The following PPFIA1 variants were observed in gnomAD, a reference collection of about 807,000 sequenced individuals.
PPFIA1 encodes PPFI scaffold protein A1.
In PPFIA1, 25 loss-of-function variants were observed where a neutral mutation model predicts 149.9. That is an observed-to-expected ratio of 0.17 (90% CI 0.12 to 0.23). PPFIA1 has a LOEUF of 0.23. Among genes scored for constraint, PPFIA1 ranks in the 10% least tolerant of loss-of-function variants. The pLI is 1.00. For synonymous variants in PPFIA1, 549 were observed against 552.8 expected (o/e 0.99, Z 0.10); for missense variants, 1,362 against 1,506.5 (o/e 0.90, Z 1.59).
At chr11:70,301,014 C>T in intron 2 of PPFIA1, among the ~76,000 whole-genome samples, 1 of 152,184 alleles carries the variant, frequency 6.6e-6, no homozygotes, top group East Asian at 1.9e-4. Context: ...TTTTTACTAA[C>T]TGCTGCAATG....
At chr11:70,271,980 C>G (rs2050122882) in intron 1 of PPFIA1, 193 bp from the exon 2 acceptor site, 4 of 676,986 alleles carry the variant, frequency 5.9e-6, no homozygotes, top group Non-Finnish European at 1.0e-5. Flanking sequence ...GTGTTAATGT[C>G]TTCATGTTGT....
intron 2 of PPFIA1, chr11:70,278,996 G>A (rs904696890): frequency 5.3e-6 from 3 of 565,760 alleles, no homozygotes; most frequent in South Asian, 5.1e-5. Context: ...TTGTAGACTT[G>A]AAGAGAGAGC....
chr11:70,315,969 C>T (rs2053600005), intron 2 of PPFIA1, among the ~76,000 whole-genome samples: 1 of 152,124 alleles, frequency 6.6e-6, no homozygotes, highest in South Asian at 2.1e-4. Context: ...AAGTGGAATT[C>T]TACAGTGTTT....
intron 2 of PPFIA1, chr11:70,321,118 G>C (rs1305926461): frequency 6.6e-6 from 1 of 152,208 alleles, no homozygotes; most frequent in Non-Finnish European, 1.5e-5. Context: ...TAGGTCATGA[G>C]GGTGGACTCC....
intron 26 of PPFIA1, among the ~76,000 whole-genome samples, chr11:70,379,622 A>T (rs6592553): frequency 1.1e-3 from 168 of 151,728 alleles, no homozygotes; most frequent in East Asian, 1.5e-3. Context: ...AAAAAAAAAA[A>T]AATAATAATT....
chr11:70,362,058 G>A (rs1225425147), intron 19 of PPFIA1, 37 bp from the exon 20 acceptor site: 2 of 1,592,492 alleles, frequency 1.3e-6, no homozygotes, highest in South Asian at 2.2e-5. Context: ...ACCATGCCTG[G>A]CTGATTCTTT....
chr11:70,362,084 C>T lies in PPFIA1; in HGVS notation c.2583-11C>T. The T allele has an allele frequency of 6.2e-7, 1 of 1,612,916 alleles. No homozygotes were observed. The highest frequency in any genetic ancestry group is 8.5e-7 in the Non-Finnish European group (1 of 1,179,026). ...CTGATTCTTTAATTTTCAATATCTT[C>T]TCCTTTATAGGCATGAATTGCTGGA... is the stretch of plus-strand genomic sequence containing the variant. On this transcript the variant is annotated splice_polypyrimidine_tract_variant and intron_variant, in intron 19 of 27. Coordinates refer to ENST00000253925, the MANE Select transcript of PPFIA1 (RefSeq NM_003626.5).
chr11:70,365,984 A>G (rs1422631777), intron 21 of PPFIA1: 4 of 456,436 alleles, frequency 8.8e-6, no homozygotes, highest in South Asian at 4.6e-5. Flanking sequence ...GTCTTTCTCT[A>G]ATATATTCTT....
At position 70,378,164 on chromosome 11, in the gene PPFIA1, C is replaced by T. The variant is rs750888185; in HGVS notation, c.3519C>T (p.Pro1173=). The change falls in exon 26 of 28, where the codon CCC becomes CCT. Residue 1173 remains proline, a synonymous_variant. Transcript: ENST00000253925. ...NFRVTSSMSS[P]SMQPKKMQMD... is the part of the protein sequence containing the mutation. ...GGGTGACTTCTTCTATGTCTTCCCC[C>T]TCTATGCAGCCAAAGAAGATGCAGA... The T allele has an allele frequency of 1.9e-6, 3 of 1,614,150 alleles. No individual in the cohort carries two copies. The highest frequency in any genetic ancestry group is 1.7e-6 in the Non-Finnish European group (2 of 1,180,024).
intron 10 of PPFIA1, 59 bp from the exon 11 acceptor site, chr11:70,335,504 T>G: frequency 1.3e-6 from 2 of 1,589,798 alleles, no homozygotes; most frequent in South Asian, 2.2e-5. Context: ...CCTTGTGCTT[T>G]TAAAATAATG....
chr11:70,374,811 C>G, intron 23 of PPFIA1, 107 bp from the exon 24 acceptor site: 2 of 1,044,578 alleles, frequency 1.9e-6, no homozygotes, highest in Non-Finnish European at 2.8e-6. Context: ...TCTCAGGAGC[C>G]GAAGGATTAG....
chr11:70,373,054 A>AAGG (rs1015138012), intron 23 of PPFIA1, among the ~76,000 whole-genome samples: 5 of 152,268 alleles, frequency 3.3e-5, no homozygotes, highest in African/African-American at 1.2e-4. Context: ...GTCCTTGAAG[A>AAGG]AGGAGGAGGA....
intron 2 of PPFIA1, among the ~76,000 whole-genome samples, chr11:70,289,005 T>C (rs1327448159): frequency 6.7e-6 from 1 of 150,284 alleles, no homozygotes; most frequent in Non-Finnish European, 1.5e-5. Context: ...TCTTGCTCTG[T>C]CGCCCAGGCT....
chr11:70,372,160 T>C lies in PPFIA1; in HGVS notation c.2866-55T>C, dbSNP rs560710258. On this transcript the variant is annotated intron_variant, in intron 21 of 27. Coordinates refer to ENST00000253925, the MANE Select transcript of PPFIA1 (RefSeq NM_003626.5). The stretch of plus-strand genomic sequence containing the variant: ...TTAAAAATTCATTTTAAAAATGATA[T>C]AAACTACTTTTGAGACTTCCTCTGT... The C allele has an allele frequency of 2.0e-6, 3 of 1,489,524 alleles. No individual in the cohort carries two copies. In the Admixed American group the frequency reaches 6.7e-5, roughly 33 times the overall value. The allele number at this position is 1,489,524 out of a possible 1,614,324, so 92.3% of individuals were successfully genotyped here.
intron 26 of PPFIA1, 84 bp from the exon 27 acceptor site, chr11:70,382,004 T>C (rs1187227659): frequency 1.7e-6 from 2 of 1,185,738 alleles, no homozygotes; most frequent in African/African-American, 1.5e-5. Flanking sequence ...TGTGAAGATG[T>C]GTGTCTACTT....
chr11:70,291,700 C>T (rs1260531130), intron 2 of PPFIA1, among the ~76,000 whole-genome samples: 2 of 152,142 alleles, frequency 1.3e-5, no homozygotes, highest in Non-Finnish European at 2.9e-5. Context: ...GACAGGGTCT[C>T]ACTCTGTCAT....
chr11:70,357,870 A>G (rs559332262), intron 19 of PPFIA1, among the ~76,000 whole-genome samples: 374 of 152,318 alleles, frequency 2.5e-3, no homozygotes, highest in South Asian at 6.4e-3. Context: ...TACAGGCGTG[A>G]GCCACCGCGC....
At chr11:70,297,618 C>CT (rs1215358334) in intron 2 of PPFIA1, among the ~76,000 whole-genome samples, 1 of 152,116 alleles carries the variant, frequency 6.6e-6, no homozygotes, top group African/African-American at 2.4e-5. Flanking sequence ...AGTCAAAGGG[C>CT]TTGTTACACA....
chr11:70,343,129 G>A (rs2055458239), intron 14 of PPFIA1, among the ~76,000 whole-genome samples: 1 of 151,900 alleles, frequency 6.6e-6, no homozygotes, highest in Non-Finnish European at 1.5e-5. Flanking sequence ...TGTATTTTTA[G>A]TAGAGATGGG....
Sources: allele counts gnomAD v4.1 joint callset (sites outside exome capture counted in the v4.1 genomes callset), GRCh38; gene constraint gnomAD v4.1.1; transcripts MANE v1.5; gene names NCBI Gene and HGNC (gene_info 2026-07-23, HGNC 2026-07-21).